The following TNFRSF11A variants were observed in gnomAD, a reference collection of about 807,000 sequenced individuals.
The protein encoded by TNFRSF11A is tumor necrosis factor receptor superfamily member 11A.
TNFRSF11A carries 32 observed loss-of-function variants against 55.7 expected under a neutral mutation model. The observed-to-expected ratio is 0.57, with a 90% CI of 0.43 to 0.77. TNFRSF11A has a LOEUF of 0.77. TNFRSF11A is among the 30% of genes least tolerant of loss of function. The pLI, the probability that TNFRSF11A is intolerant of heterozygous loss-of-function variation, is 0.00. For synonymous variants in TNFRSF11A, 311 were observed against 331.0 expected (o/e 0.94, Z 0.65); for missense variants, 753 against 809.8 (o/e 0.93, Z 0.85).
chr18:62,326,023 G>C (rs2046069735), intron 1 of TNFRSF11A, among the ~76,000 whole-genome samples: 1 of 152,202 alleles, frequency 6.6e-6, no homozygotes, highest in Admixed American at 6.5e-5. Flanking sequence ...TCGCAGACCC[G>C]AGTGGCTTCC....
At chr18:62,372,214 C>T (rs1375482915) in intron 9 of TNFRSF11A, among the ~76,000 whole-genome samples, 1 of 152,206 alleles carries the variant, frequency 6.6e-6, no homozygotes, top group Non-Finnish European at 1.5e-5. Context: ...GGGAAGCATA[C>T]TTCTGGTTAT....
rs759786368 is a variant in TNFRSF11A, at chr18:62,349,946, G to A, written c.283+9G>A. Reference sequence around the variant, plus strand: ...TAAAGTTTGTGATACAGGTGAGCCCGTCCTGTCAGTGTGTCAGTGGGAAGT... The same window carrying A: ...TAAAGTTTGTGATACAGGTGAGCCCATCCTGTCAGTGTGTCAGTGGGAAGT... On this transcript the variant is annotated intron_variant, in intron 3 of 9. Transcript: ENST00000586569. 1.3e-5 allele frequency: 21 copies of A among 1,613,670 alleles called. No individual in the cohort carries two copies. Among genetic ancestry groups the A allele is most frequent in the East Asian group, 2.2e-5 (1 of 44,874 alleles).
Position 62,368,774 on chromosome 18 carries a change from T to A in TNFRSF11A, c.857T>A (p.Leu286Ter), listed in dbSNP as rs970590296. ...FGQQGACEGV[L>*]LLTLEEKTFP... The stretch of plus-strand genomic sequence containing the variant: ...CAGCAGGGAGCATGTGAAGGTGTCT[T>A]ACTGCTGACTCTGGAGGAGAAGACA... The change falls in exon 9 of 10, where the codon TTA (leucine) becomes TAA (stop). Residue 286 changes from leucine to a stop codon, truncating the protein, a stop_gained. Transcript: ENST00000586569. LOFTEE classifies it high-confidence loss of function. The A allele has an allele frequency of 6.2e-7, 1 of 1,614,096 alleles. No individual in the cohort carries two copies. The highest frequency in any genetic ancestry group is 8.5e-7 in the Non-Finnish European group (1 of 1,180,040).
intron 1 of TNFRSF11A, among the ~76,000 whole-genome samples, chr18:62,331,874 A>C (rs1374639813): frequency 6.6e-6 from 1 of 152,192 alleles, no homozygotes; most frequent in African/African-American, 2.4e-5. Context: ...CCCCCAAAAA[A>C]TCCTGACCCA....
chr18:62,362,394 G>A (rs959019589), intron 7 of TNFRSF11A, among the ~76,000 whole-genome samples: 1 of 149,966 alleles, frequency 6.7e-6, no homozygotes, highest in Non-Finnish European at 1.5e-5. Flanking sequence ...AGAGGCTGAG[G>A]TAGGAGGATC....
intron 1 of TNFRSF11A, among the ~76,000 whole-genome samples, chr18:62,339,296 C>G (rs1179364513): frequency 1.3e-5 from 2 of 152,130 alleles, no homozygotes; most frequent in African/African-American, 4.8e-5. Context: ...TTGCTCTGTC[C>G]TCTCCCTCCT....
chr18:62,336,990 A>G (rs1330840550), intron 1 of TNFRSF11A, among the ~76,000 whole-genome samples: 1 of 152,188 alleles, frequency 6.6e-6, no homozygotes, highest in South Asian at 2.1e-4. Context: ...TCTTTCCTTT[A>G]AGAAGCACAT....
chr18:62,326,008 G>A (rs900297589), intron 1 of TNFRSF11A, among the ~76,000 whole-genome samples: 1 of 152,220 alleles, frequency 6.6e-6, no homozygotes, highest in Non-Finnish European at 1.5e-5. Flanking sequence ...TGCTGGACTT[G>A]ACCCTCGCAG....
In TNFRSF11A at chr18:62,325,456, C is replaced by A. The variant is rs1655662728; in HGVS notation, c.75+29C>A. The A allele has an allele frequency of 4.0e-6, 5 of 1,237,030 alleles. No individual in the cohort carries two copies. Among genetic ancestry groups the A allele is most frequent in the South Asian group, 1.9e-5 (1 of 52,814 alleles). The allele number at this position is 1,237,030 out of a possible 1,614,324, so 76.6% of individuals were successfully genotyped here. A position where few individuals can be genotyped will look rare whatever the true frequency, so the allele number is the denominator to read the frequency against. On this transcript the variant is annotated intron_variant, in intron 1 of 9. Coordinates refer to ENST00000586569, the MANE Select transcript of TNFRSF11A (RefSeq NM_003839.4). The surrounding 1 kb of genome is among the most constrained non-coding windows in gnomAD (Gnocchi z 4.7). ...AGGAGCGCCCGCGCCTGCCGGGCCG[C>A]GCGGCCCGACGCCTCCTCGGGAGCC...
chr18:62,354,659 A>T, intron 4 of TNFRSF11A, 125 bp downstream of exon 4: 1 of 1,418,276 alleles, frequency 7.1e-7, no homozygotes, highest in Non-Finnish European at 9.6e-7. Context: ...AACCTGAGGG[A>T]TGGGGAAAGG....
intron 1 of TNFRSF11A, among the ~76,000 whole-genome samples, chr18:62,328,630 C>A (rs1344264060): frequency 6.6e-6 from 1 of 152,126 alleles, no homozygotes; most frequent in Non-Finnish European, 1.5e-5. Flanking sequence ...CGAAGAAATC[C>A]CCCAGGGTGT....
rs1415144631 is a variant in TNFRSF11A, at chr18:62,390,773, A to G, written c.*5739A>G. On this transcript the variant is annotated 3_prime_UTR_variant, in exon 10 of 10. Transcript: ENST00000586569. Reference sequence around the variant, plus strand: ...TCTCTCTTTCAATGACAAAGAAACCATTAAAATGAATGTTTAAAGTTCTTA... The same window carrying G: ...TCTCTCTTTCAATGACAAAGAAACCGTTAAAATGAATGTTTAAAGTTCTTA... 6.6e-6 allele frequency: 1 copy of G among 152,172 alleles called. No individual in the cohort carries two copies. Among genetic ancestry groups the G allele is most frequent in the African/African-American group, 2.4e-5 (1 of 41,468 alleles). 9.4% of individuals were successfully genotyped at this position (152,172 alleles called of 1,614,324 possible).
In TNFRSF11A at chr18:62,350,519, C is replaced by G. The variant is rs182238603; in HGVS notation, c.283+582C>G. Among the ~76,000 whole-genome samples the G allele has an allele frequency of 3.0e-4, 45 of 152,226 alleles. 1 individual carries two copies. In the East Asian group the frequency reaches 6.8e-3, roughly 23 times the overall value. On this transcript the variant is annotated intron_variant, in intron 3 of 9. Transcript: ENST00000586569. ...ATGTTAGCCAGGATGGTCTCGATCT[C>G]CTGACCTTGTGATCTGCCCGCCTCG...
chr18:62,344,741 T>C (rs1048877834), intron 1 of TNFRSF11A, among the ~76,000 whole-genome samples: 1 of 151,996 alleles, frequency 6.6e-6, no homozygotes, highest in Non-Finnish European at 1.5e-5. Flanking sequence ...GGCAGGGCAG[T>C]TAATGGTGAA....
intron 1 of TNFRSF11A, among the ~76,000 whole-genome samples, chr18:62,341,836 CTTTTT>C (rs34047775): frequency 4.7e-5 from 4 of 85,216 alleles, no homozygotes; most frequent in Non-Finnish European, 4.3e-5. Flanking sequence ...CTGAGAATGG[CTTTTT>C]TTTTTTTTTT....
rs1389483765 is a variant in TNFRSF11A, at chr18:62,384,652, CG to C, written c.1568-95del. 9.0e-6 allele frequency: 13 copies of C among 1,452,274 alleles called. No homozygotes were observed. In the East Asian group the frequency reaches 3.2e-4, roughly 36 times the overall value. The allele number at this position is 1,452,274 out of a possible 1,614,324, so 90.0% of individuals were successfully genotyped here. ...CCTGTGGCCCCGGGCTGTGGGAATC[CG>C]GGGAGCCGCCCTCCACTCCCCGGAA... On this transcript the variant is annotated intron_variant, in intron 9 of 9. Coordinates refer to ENST00000586569, the MANE Select transcript of TNFRSF11A (RefSeq NM_003839.4).
At chr18:62,342,520 A>G (rs1293775796) in intron 1 of TNFRSF11A, among the ~76,000 whole-genome samples, 1 of 151,596 alleles carries the variant, frequency 6.6e-6, no homozygotes, top group African/African-American at 2.4e-5. Flanking sequence ...TGATTCCTGC[A>G]TCATTTCCAC....
chr18:62,350,904 G>A (rs2046458317), intron 3 of TNFRSF11A, among the ~76,000 whole-genome samples: 1 of 151,414 alleles, frequency 6.6e-6, no homozygotes, highest in African/African-American at 2.4e-5. Flanking sequence ...AAACCGTGAT[G>A]TTAGTCCTGT....
At chr18:62,380,935 T>A (rs1396742367) in intron 9 of TNFRSF11A, among the ~76,000 whole-genome samples, 1 of 152,006 alleles carries the variant, frequency 6.6e-6, no homozygotes, top group African/African-American at 2.4e-5. Flanking sequence ...CCCAAGTAGC[T>A]GTGACTACAA....
Sources: gnomAD v4.1 joint callset for allele counts (sites outside exome capture counted in the v4.1 genomes callset) on GRCh38, gnomAD v4.1.1 for gene constraint, Gnocchi (gnomAD v3.1) non-coding constraint, MANE v1.5 for transcripts, NCBI Gene and HGNC (gene_info 2026-07-23, HGNC 2026-07-21) for gene names.